The following GREB1L variants were observed in gnomAD, a reference collection of about 807,000 sequenced individuals.
The protein encoded by GREB1L is GREB1 like retinoic acid receptor coactivator.
A neutral mutation model predicts 200.8 loss-of-function variants in GREB1L; 17 were observed. The ratio of observed to expected loss-of-function variants is 0.08; its 90% CI spans 0.06 to 0.13. The LOEUF is 0.13. Among genes scored for constraint, GREB1L ranks in the 10% least tolerant of loss-of-function variants. The pLI, the probability that GREB1L is intolerant of heterozygous loss-of-function variation, is 1.00. For synonymous variants in GREB1L, 789 were observed against 893.0 expected (o/e 0.88, Z 2.08); for missense variants, 1,657 against 2,367.7 (o/e 0.70, Z 6.23).
At chr18:21,302,052 A>C (rs531353627) in intron 1 of GREB1L, among the ~76,000 whole-genome samples, 2 of 152,244 alleles carry the variant, frequency 1.3e-5, no homozygotes, top group African/African-American at 4.8e-5. Flanking sequence ...TAACTCTGGT[A>C]TGTTGAAATG....
At chr18:21,294,739 C>A (rs915405485) in intron 1 of GREB1L, among the ~76,000 whole-genome samples, 4 of 151,900 alleles carry the variant, frequency 2.6e-5, no homozygotes, top group Non-Finnish European at 4.4e-5. Flanking sequence ...AGAAGAACTG[C>A]CATATTTGTC....
In GREB1L at chr18:21,522,912, C is replaced by T; in HGVS notation, c.*91C>T. The T allele has an allele frequency of 1.7e-6, 2 of 1,170,728 alleles. No individual in the cohort carries two copies. The highest frequency in any genetic ancestry group is 2.4e-6 in the Non-Finnish European group (2 of 850,662). 72.5% of individuals were successfully genotyped at this position (1,170,728 alleles called of 1,614,324 possible). A position where few individuals can be genotyped will look rare whatever the true frequency, so the allele number is the denominator to read the frequency against. Reference sequence around the variant, plus strand: ...TTTTCTTTTTCCTTTAAAGTACAATCACTGTGGAGCAAAGTGCAACATATT... The same window carrying T: ...TTTTCTTTTTCCTTTAAAGTACAATTACTGTGGAGCAAAGTGCAACATATT... On this transcript the variant is annotated 3_prime_UTR_variant, in exon 33 of 33. Transcript: ENST00000424526.
intron 1 of GREB1L, among the ~76,000 whole-genome samples, chr18:21,328,760 G>C (rs961263486): frequency 6.6e-6 from 1 of 152,004 alleles, no homozygotes; most frequent in Admixed American, 6.6e-5. Flanking sequence ...CCACTTAGGG[G>C]GTTGTATGAA....
At chr18:21,356,258 C>T (rs1316282423) in intron 1 of GREB1L, among the ~76,000 whole-genome samples, 3 of 152,002 alleles carry the variant, frequency 2.0e-5, no homozygotes, top group African/African-American at 7.3e-5. Flanking sequence ...GCAGGGATTA[C>T]AGGCATTAGC....
chr18:21,437,438 C>G (rs1026338291), intron 7 of GREB1L, among the ~76,000 whole-genome samples: 8 of 152,098 alleles, frequency 5.3e-5, no homozygotes, highest in Non-Finnish European at 1.0e-4. Context: ...GGCTGAACAA[C>G]TTTATAATGC....
chr18:21,288,873 G>T (rs562275451), intron 1 of GREB1L, among the ~76,000 whole-genome samples: 1 of 152,098 alleles, frequency 6.6e-6, no homozygotes, highest in East Asian at 1.9e-4. Flanking sequence ...GAGCAGCTGG[G>T]ATTACAGGCG....
chr18:21,463,134 CTTTTTTTTTTTT>C (rs11355874), intron 15 of GREB1L, among the ~76,000 whole-genome samples: 7 of 55,642 alleles, frequency 1.3e-4, no homozygotes, highest in African/African-American at 4.0e-4. Context: ...CTTAATGGTT[CTTTTTTTTTTTT>C]TTTTTTTTTT....
intron 17 of GREB1L, among the ~76,000 whole-genome samples, chr18:21,479,419 C>T (rs2035836165): frequency 6.6e-6 from 1 of 152,238 alleles, no homozygotes; most frequent in South Asian, 2.1e-4. Context: ...TGGCTCACAC[C>T]TGTAATCCCA....
chr18:21,416,782 T>C (rs942126394), intron 7 of GREB1L, among the ~76,000 whole-genome samples: 1 of 151,728 alleles, frequency 6.6e-6, no homozygotes, highest in African/African-American at 2.4e-5. Context: ...TCCCAGCACT[T>C]TGGGAGGCCG....
intron 1 of GREB1L, among the ~76,000 whole-genome samples, chr18:21,348,815 T>C (rs962188856): frequency 2.0e-4 from 30 of 152,144 alleles, no homozygotes; most frequent in African/African-American, 7.2e-4. Flanking sequence ...CATGGTGGCA[T>C]GCACCTGTAG....
At chr18:21,327,751 A>G (rs1264791570) in intron 1 of GREB1L, among the ~76,000 whole-genome samples, 9 of 150,846 alleles carry the variant, frequency 6.0e-5, no homozygotes, top group South Asian at 2.1e-4. Context: ...TCACTCTGTT[A>G]CCCAGGCTGG....
intron 5 of GREB1L, among the ~76,000 whole-genome samples, chr18:21,400,589 A>G (rs755272131): frequency 2.6e-5 from 4 of 152,162 alleles, no homozygotes; most frequent in Non-Finnish European, 5.9e-5. Flanking sequence ...TCGGATTCCA[A>G]TTCTCTAAAA....
chr18:21,495,023 CA>C (rs1288076822), intron 19 of GREB1L, among the ~76,000 whole-genome samples: 1 of 152,066 alleles, frequency 6.6e-6, no homozygotes, highest in Non-Finnish European at 1.5e-5. Context: ...ATTACCCCTC[CA>C]AATGAGGGGC....
intron 19 of GREB1L, among the ~76,000 whole-genome samples, chr18:21,494,097 C>A (rs1169752873): frequency 6.6e-6 from 1 of 151,880 alleles, no homozygotes; most frequent in African/African-American, 2.4e-5. Context: ...TTAAATGAGA[C>A]AATGTTATGG....
chr18:21,406,058 T>TAAAAAAAAAA (rs34222462), intron 7 of GREB1L, among the ~76,000 whole-genome samples: 1 of 124,896 alleles, frequency 8.0e-6, no homozygotes, highest in Non-Finnish European at 1.7e-5. Context: ...AGACCCTGTC[T>TAAAAAAAAAA]AAAAAAAAAA....
At chr18:21,426,977 AAAAAAAAAAAC>A (rs1656818695) in intron 7 of GREB1L, among the ~76,000 whole-genome samples, 2 of 79,252 alleles carry the variant, frequency 2.5e-5, no homozygotes, top group African/African-American at 2.0e-4. Flanking sequence ...AAAAAACAAA[AAAAAAAAAAAC>A]AAAAAAAAAA....
chr18:21,499,417 C>T lies in GREB1L; in HGVS notation c.3392-312C>T, dbSNP rs545733675. On this transcript the variant is annotated intron_variant, in intron 21 of 32. Coordinates refer to ENST00000424526, the MANE Select transcript of GREB1L (RefSeq NM_001142966.3). The stretch of plus-strand genomic sequence containing the variant: ...GGCCTGACACAGGGAGGGGTGGGAG[C>T]ACCTCTCCAGACCTGAGCCGCAGCC... Among the ~76,000 whole-genome samples the T allele has an allele frequency of 2.0e-5, 3 of 152,244 alleles. No homozygotes were observed. The South Asian group carries it at 6.2e-4, about 32-fold the overall frequency.
chr18:21,418,580 G>A (rs529411513), intron 7 of GREB1L, among the ~76,000 whole-genome samples: 1 of 152,202 alleles, frequency 6.6e-6, no homozygotes, highest in South Asian at 2.1e-4. Flanking sequence ...CTGGAGTGCA[G>A]TGGTGCAATC....
chr18:21,508,684 GA>G (rs1211865028), intron 27 of GREB1L, 93 bp downstream of exon 27: 1 of 728,744 alleles, frequency 1.4e-6, no homozygotes, highest in Admixed American at 2.4e-5. Context: ...CCTGCCTCTA[GA>G]AATTGTCCTG....
Sources: allele counts gnomAD v4.1 joint callset (sites outside exome capture counted in the v4.1 genomes callset), GRCh38; gene constraint gnomAD v4.1.1; transcripts MANE v1.5; gene names NCBI Gene and HGNC (gene_info 2026-07-23, HGNC 2026-07-21).